The following WLS variants were observed in gnomAD, a reference collection of about 807,000 sequenced individuals.
WLS encodes protein wntless homolog.
A neutral mutation model predicts 62.8 loss-of-function variants in WLS; 23 were observed. The observed-to-expected ratio is 0.37, with a 90% CI of 0.26 to 0.52. The LOEUF (loss-of-function observed/expected upper bound fraction) is 0.52, where lower values mean the gene tolerates loss of function less well. Ranked by LOEUF, WLS falls within the 20% of genes least tolerant of loss-of-function variation. The pLI is 0.92. For synonymous variants in WLS, 246 were observed against 244.1 expected (o/e 1.01, Z -0.07); for missense variants, 615 against 697.3 (o/e 0.88, Z 1.33).
In WLS at chr1:68,131,481, G is replaced by A. The variant is rs957296585; in HGVS notation, c.1517-5146C>T. Among the ~76,000 whole-genome samples the A allele has an allele frequency of 2.0e-5, 3 of 151,636 alleles. No individual in the cohort carries two copies. In the South Asian group the frequency reaches 6.3e-4, roughly 32 times the overall value. ...GGGCAGAGTGGCTTTGGTGGACAGGGTTAAGAGCCCTGGGTCCAGTTGTCT... is the reference window on the plus strand; with the variant it reads ...GGGCAGAGTGGCTTTGGTGGACAGGATTAAGAGCCCTGGGTCCAGTTGTCT... On this transcript the variant is annotated intron_variant, in intron 11 of 11. Coordinates refer to ENST00000262348, the MANE Select transcript of WLS (RefSeq NM_024911.7).
chr1:68,110,035 A>AT (rs1646203255), intron 11 of WLS, among the ~76,000 whole-genome samples: 1 of 147,262 alleles, frequency 6.8e-6, no homozygotes, highest in Non-Finnish European at 1.5e-5. Flanking sequence ...AAAAAAAAAA[A>AT]TACAGTAAGA....
chr1:68,209,501 G>A (rs946438942), intron 1 of WLS, among the ~76,000 whole-genome samples: 23 of 152,182 alleles, frequency 1.5e-4, no homozygotes, highest in African/African-American at 4.3e-4. Flanking sequence ...AAGTGTGGCC[G>A]GGCACGTTGG....
downstream of WLS, among the ~76,000 whole-genome samples, chr1:68,120,636 G>C (rs1171807357): frequency 6.6e-6 from 1 of 152,164 alleles, no homozygotes; most frequent in African/African-American, 2.4e-5. Context: ...GTGGTATTGG[G>C]GAGTGATATG....
At chr1:68,127,206 AAAAT>A (rs1192257617) in intron 11 of WLS, 15 of 235,174 alleles carry the variant, frequency 6.4e-5, no homozygotes, top group Middle Eastern at 5.1e-4. Flanking sequence ...AAAAAATAAA[AAAAT>A]AAACTACAAA....
At chr1:68,137,357 A>G (rs1464502957) in intron 11 of WLS, among the ~76,000 whole-genome samples, 2 of 152,184 alleles carry the variant, frequency 1.3e-5, no homozygotes, top group African/African-American at 4.8e-5. Context: ...CAGAAGAAAA[A>G]TGAAGCCTAT....
At chr1:68,110,745 GTGTA>G (rs1010867658) in intron 11 of WLS, among the ~76,000 whole-genome samples, 8 of 44,150 alleles carry the variant, frequency 1.8e-4, no homozygotes, top group South Asian at 5.0e-4. Flanking sequence ...ATATATATGT[GTGTA>G]TATATATATA....
intron 1 of WLS, among the ~76,000 whole-genome samples, chr1:68,200,776 G>C (rs1031756030): frequency 1.3e-5 from 2 of 152,092 alleles, no homozygotes; most frequent in African/African-American, 2.4e-5. Flanking sequence ...GAACTAAAAG[G>C]CATATGCCCA....
intron 1 of WLS, among the ~76,000 whole-genome samples, chr1:68,210,391 A>G (rs778520226): frequency 6.6e-6 from 1 of 152,252 alleles, no homozygotes; most frequent in Non-Finnish European, 1.5e-5. Flanking sequence ...TGAAGCATAC[A>G]TTCAAGATTA....
intron 11 of WLS, among the ~76,000 whole-genome samples, chr1:68,109,425 T>C (rs192935414): frequency 3.3e-5 from 5 of 152,324 alleles, no homozygotes; most frequent in Non-Finnish European, 2.9e-5. Flanking sequence ...GTAGAAGAGA[T>C]GAGGTATGCC....
intron 3 of WLS, among the ~76,000 whole-genome samples, chr1:68,157,132 G>A (rs948034557): frequency 6.6e-6 from 1 of 152,188 alleles, no homozygotes; most frequent in African/African-American, 2.4e-5. Flanking sequence ...TCCAGGCCAG[G>A]AGGCTGATTC....
At chr1:68,168,601 A>T (rs1557492688) in intron 2 of WLS, among the ~76,000 whole-genome samples, 2 of 152,234 alleles carry the variant, frequency 1.3e-5, no homozygotes, top group Non-Finnish European at 2.9e-5. Flanking sequence ...TATGGTTGTC[A>T]AAAGCTTTTA....
At chr1:68,167,113 A>G (rs1647071197) in intron 2 of WLS, among the ~76,000 whole-genome samples, 1 of 152,204 alleles carries the variant, frequency 6.6e-6, no homozygotes, top group African/African-American at 2.4e-5. Flanking sequence ...CTAGAATTTC[A>G]TGATTATTAC....
chr1:68,100,368 C>T (rs1199245641), intron 11 of WLS, among the ~76,000 whole-genome samples: 1 of 152,160 alleles, frequency 6.6e-6, no homozygotes, highest in Non-Finnish European at 1.5e-5. Flanking sequence ...TTCCAAAATT[C>T]TACCTTCTCC....
At chr1:68,164,432 A>AT (rs1344964648) in intron 2 of WLS, among the ~76,000 whole-genome samples, 1 of 151,944 alleles carries the variant, frequency 6.6e-6, no homozygotes, top group Non-Finnish European at 1.5e-5. Context: ...CTAATTTTGT[A>AT]TTTTTAGCAG....
intron 2 of WLS, among the ~76,000 whole-genome samples, chr1:68,192,951 A>T (rs1273367803): frequency 5.3e-4 from 79 of 150,178 alleles, no homozygotes; most frequent in African/African-American, 1.8e-3. Context: ...AAAAAAAAAA[A>T]AAAAAAATTT....
At chr1:68,172,867 C>G (rs559750562) in intron 2 of WLS, among the ~76,000 whole-genome samples, 58 of 152,216 alleles carry the variant, frequency 3.8e-4, no homozygotes, top group Non-Finnish European at 7.1e-4. Context: ...CTGGAGGGAA[C>G]AGGGAAGGCT....
chr1:68,125,554 C>A lies in WLS; in HGVS notation c.*672G>T. 1.0e-6 allele frequency: 1 copy of A among 985,358 alleles called. No homozygotes were observed. Among genetic ancestry groups the A allele is most frequent in the Non-Finnish European group, 1.2e-6 (1 of 829,900 alleles). The allele number at this position is 985,358 out of a possible 1,614,324, so 61.0% of individuals were successfully genotyped here. On this transcript the variant is annotated 3_prime_UTR_variant, in exon 12 of 12. Coordinates refer to ENST00000262348, the MANE Select transcript of WLS (RefSeq NM_024911.7). Reference sequence around the variant, plus strand: ...AGTAAATCTTACTTGGGTAGTTTAGCAAACATTTTTTAAAACCCACATCCA... The same window carrying A: ...AGTAAATCTTACTTGGGTAGTTTAGAAAACATTTTTTAAAACCCACATCCA...
At position 68,150,268 on chromosome 1, in the gene WLS, G is replaced by A. The variant is rs1646808698; in HGVS notation, c.892C>T (p.Leu298=). 1 of 1,614,074 alleles carries A rather than the reference G, an allele frequency of 6.2e-7. No individual in the cohort carries two copies. Among genetic ancestry groups the A allele is most frequent in the Non-Finnish European group, 8.5e-7 (1 of 1,180,046 alleles). The change falls in exon 6 of 12, where the codon CTG becomes TTG. Residue 298 remains leucine, a synonymous_variant. Transcript: ENST00000262348. ...ATGCCCTGTCGGATGTCACCAAACA[G>A]CAGCATCCAGGTCCAGTCAAACCCG... is the stretch of plus-strand genomic sequence containing the variant. The part of the protein sequence containing the change: ...SIGFDWTWML[L]FGDIRQGIFY...
At chr1:68,190,125 G>A (rs1408471203) in intron 2 of WLS, among the ~76,000 whole-genome samples, 3 of 152,192 alleles carry the variant, frequency 2.0e-5, no homozygotes, top group Non-Finnish European at 4.4e-5. Context: ...TACAAGGGAG[G>A]AAACTGGCTA....
Sources: gnomAD v4.1 joint callset for allele counts (sites outside exome capture counted in the v4.1 genomes callset) on GRCh38, gnomAD v4.1.1 for gene constraint, MANE v1.5 for transcripts, NCBI Gene and HGNC (gene_info 2026-07-23, HGNC 2026-07-21) for gene names.